Variants in FAM120C observed in about 807,000 individuals in gnomAD.
FAM120C encodes the protein constitutive coactivator of PPAR-gamma-like protein 2.
In FAM120C, 14 loss-of-function variants were observed where a neutral mutation model predicts 71.2. The ratio of observed to expected loss-of-function variants is 0.20; its 90% CI spans 0.13 to 0.31. FAM120C has a LOEUF of 0.31. Ranked by LOEUF, FAM120C falls within the 10% of genes least tolerant of loss-of-function variation. The pLI, the probability that FAM120C is intolerant of heterozygous loss-of-function variation, is 1.00. For synonymous variants in FAM120C, 354 were observed against 353.2 expected (o/e 1.00, Z -0.03); for missense variants, 500 against 879.0 (o/e 0.57, Z 5.45).
chrX:54,182,358 A>G, intron 1 of FAM120C, 142 bp downstream of exon 1: 1 of 678,825 alleles, frequency 1.5e-6, no homozygotes, highest in African/African-American at 2.2e-5. Context: ...GAGGGTAGTT[A>G]GGCAGGTAGG....
At chrX:54,073,397 C>T (rs1467066800) in intron 15 of FAM120C, 110 bp from the exon 16 acceptor site, 1 of 768,905 alleles carries the variant, frequency 1.3e-6, no homozygotes, top group Non-Finnish European at 1.8e-6. Flanking sequence ...TTCAAAAACA[C>T]CAGAAGACCT....
intron 10 of FAM120C, among the ~76,000 whole-genome samples, chrX:54,112,140 G>C (rs2047741026): frequency 8.9e-6 from 1 of 112,207 alleles, no homozygotes; most frequent in African/African-American, 3.2e-5. Flanking sequence ...AGATGGGCTG[G>C]GTGTGGTGGC....
chrX:54,173,467 C>T (rs1013874309), intron 1 of FAM120C, among the ~76,000 whole-genome samples: 7 of 112,033 alleles, frequency 6.2e-5, no homozygotes, highest in Non-Finnish European at 9.4e-5. Flanking sequence ...AGCCTGGTCT[C>T]GAACTTCCGA....
At chrX:54,138,798 G>A (rs930557167) in intron 4 of FAM120C, among the ~76,000 whole-genome samples, 3 of 112,266 alleles carry the variant, frequency 2.7e-5, no homozygotes, top group Non-Finnish European at 5.6e-5. Flanking sequence ...CAGCCTAGGC[G>A]ACAGAGCGAG....
At chrX:54,117,353 T>C in intron 9 of FAM120C, among the ~76,000 whole-genome samples, 1 of 65,290 alleles carries the variant, frequency 1.5e-5, no homozygotes, top group African/African-American at 7.7e-5. Context: ...ATCCTGTCTC[T>C]AAAAATAAAA....
chrX:54,098,356 T>C (rs1011070559), intron 10 of FAM120C, among the ~76,000 whole-genome samples: 2 of 111,877 alleles, frequency 1.8e-5, no homozygotes, highest in Non-Finnish European at 3.8e-5. Context: ...TGAATAATTC[T>C]ACATGAACAT....
At chrX:54,107,727 GCCAGGCTGGTCTTGAACT>G (rs1557125059) in intron 10 of FAM120C, among the ~76,000 whole-genome samples, 1 of 102,454 alleles carries the variant, frequency 9.8e-6, no homozygotes, top group African/African-American at 3.6e-5. Context: ...CACCATGTTG[GCCAGGCTGGTCTTGAACT>G]CCTTGACCTA....
chrX:54,127,549 C>G (rs1381968431), intron 9 of FAM120C, among the ~76,000 whole-genome samples: 1 of 99,017 alleles, frequency 1.0e-5, no homozygotes, highest in Non-Finnish European at 2.0e-5. Context: ...CGAGATTGTG[C>G]CACTGCATTC....
At chrX:54,174,810 T>A (rs2067307834) in intron 1 of FAM120C, among the ~76,000 whole-genome samples, 1 of 112,094 alleles carries the variant, frequency 8.9e-6, no homozygotes, top group South Asian at 3.7e-4. Flanking sequence ...ATGGGCCACA[T>A]AAGGCCTACG....
Position 54,182,869 on chromosome X carries a change from GGGCGGCGGC to G in FAM120C, c.321_329del (p.Pro109_Pro111del). 1 of 1,134,063 alleles carries G rather than the reference GGGCGGCGGC, an allele frequency of 8.8e-7. No homozygotes were observed. The highest frequency in any genetic ancestry group is 1.2e-6 in the Non-Finnish European group (1 of 859,179). 93.5% of individuals were successfully genotyped at this position (1,134,063 alleles called of 1,213,427 possible). Reference sequence around the variant, plus strand: ...GCACCCGGGCCCCGGGCAGCTGAGGGGGCGGCGGCGGCGGCAGCGGAGGGTGCAGCCCGG... The same window carrying G: ...GCACCCGGGCCCCGGGCAGCTGAGGGGGCGGCAGCGGAGGGTGCAGCCCGG... On this transcript the variant is annotated inframe_deletion, in exon 1 of 16. Transcript: ENST00000375180.
At chrX:54,153,208 G>A (rs1429351593) in intron 3 of FAM120C, among the ~76,000 whole-genome samples, 2 of 111,120 alleles carry the variant, frequency 1.8e-5, no homozygotes, top group African/African-American at 3.3e-5. Context: ...AAGCCTCACT[G>A]AGAATGAAAT....
rs202066491 is a variant in FAM120C at position 54,134,785 on chromosome X, G to C, written c.1616+46C>G. 6.0e-4 allele frequency: 689 copies of C among 1,141,276 alleles called. 6 individuals carry two copies. The Admixed American group carries it at 0.016, about 27-fold the overall frequency. The allele number at this position is 1,141,276 out of a possible 1,213,427, so 94.1% of individuals were successfully genotyped here. A position where few individuals can be genotyped will look rare whatever the true frequency, so the allele number is the denominator to read the frequency against. On this transcript the variant is annotated intron_variant, in intron 7 of 15. Transcript: ENST00000375180. ...CCCATCTAACAAGCAAAATAATACA[G>C]ATGCCTCAGAAATCTACTTCCTTAG...
chrX:54,152,303 A>C (rs914162134), intron 3 of FAM120C, among the ~76,000 whole-genome samples: 55 of 111,905 alleles, frequency 4.9e-4, no homozygotes, highest in African/African-American at 1.5e-3. Flanking sequence ...GCAGTGGTGC[A>C]GTAGGGATTG....
At chrX:54,101,789 C>G (rs372490872) in intron 10 of FAM120C, among the ~76,000 whole-genome samples, 1 of 111,632 alleles carries the variant, frequency 9.0e-6, no homozygotes, top group Non-Finnish European at 1.9e-5. Context: ...GAAACCTTAT[C>G]GGAATGGCCT....
At chrX:54,129,871 C>A (rs1448300562) in intron 9 of FAM120C, among the ~76,000 whole-genome samples, 4 of 110,657 alleles carry the variant, frequency 3.6e-5, no homozygotes, top group African/African-American at 1.3e-4. Context: ...AATATGAAAA[C>A]CAGTCAGGCG....
intron 3 of FAM120C, among the ~76,000 whole-genome samples, chrX:54,153,403 T>G: frequency 9.2e-6 from 1 of 108,258 alleles, no homozygotes; most frequent in East Asian, 2.9e-4. Flanking sequence ...AGCCACTGGA[T>G]AATATATTTT....
intron 1 of FAM120C, 145 bp from the exon 2 acceptor site, chrX:54,159,761 CTTTTTTTTTT>C: frequency 2.9e-6 from 1 of 348,119 alleles, no homozygotes; most frequent in East Asian, 5.7e-5. Flanking sequence ...ACATTTTTTA[CTTTTTTTTTT>C]TTTTTTTTTT....
chrX:54,138,302 C>T (rs1180356528), intron 4 of FAM120C, among the ~76,000 whole-genome samples: 2 of 108,363 alleles, frequency 1.8e-5, no homozygotes, highest in African/African-American at 3.4e-5. Flanking sequence ...GGAATTCAGA[C>T]CAGCCTGAGT....
At chrX:54,088,429 TA>T (rs1217151178) in intron 11 of FAM120C, among the ~76,000 whole-genome samples, 1 of 107,765 alleles carries the variant, frequency 9.3e-6, no homozygotes, top group Non-Finnish European at 1.9e-5. Flanking sequence ...CCGTCTCTAC[TA>T]AAAATACAAA....
Sources: gnomAD v4.1 joint callset for allele counts (sites outside exome capture counted in the v4.1 genomes callset) on GRCh38, gnomAD v4.1.1 for gene constraint, MANE v1.5 for transcripts, NCBI Gene and HGNC (gene_info 2026-07-23, HGNC 2026-07-21) for gene names.